Variants in HDAC4 observed in about 807,000 individuals in gnomAD.
HDAC4 encodes histone deacetylase A.
A neutral mutation model predicts 135.1 loss-of-function variants in HDAC4; 16 were observed. The observed-to-expected ratio is 0.12, with a 90% CI of 0.08 to 0.18. HDAC4 has a LOEUF of 0.18. Among genes scored for constraint, HDAC4 ranks in the 10% least tolerant of loss-of-function variants. The pLI is 1.00. For missense variants in HDAC4, 1,143 were observed against 1,511.8 expected, an observed-to-expected ratio of 0.76 and a Z score of 4.05; for synonymous variants, 685 against 653.4, an observed-to-expected ratio of 1.05 and a Z score of -0.74.
chr2:239,223,877 G>C (rs1385568024), intron 3 of HDAC4, among the ~76,000 whole-genome samples: 4 of 151,282 alleles, frequency 2.6e-5, no homozygotes, highest in Non-Finnish European at 5.9e-5. Context: ...AAAGGGAAAA[G>C]AAACAAAGTC....
chr2:239,089,468 T>TAG (rs2036292429), intron 18 of HDAC4, among the ~76,000 whole-genome samples: 1 of 152,152 alleles, frequency 6.6e-6, no homozygotes, highest in African/African-American at 2.4e-5. Flanking sequence ...GCTGGGATTA[T>TAG]AGGCATGCGC....
intron 16 of HDAC4, 71 bp downstream of exon 16, chr2:239,102,705 G>A: frequency 1.3e-6 from 2 of 1,581,516 alleles, no homozygotes; most frequent in Admixed American, 1.7e-5. Context: ...GACACAAGGG[G>A]TTGAGAGCTG....
intron 1 of HDAC4, among the ~76,000 whole-genome samples, chr2:239,365,694 AC>A (rs1210388107): frequency 6.6e-6 from 1 of 152,206 alleles, no homozygotes; most frequent in African/African-American, 2.4e-5. Flanking sequence ...TGCGTGTGGC[AC>A]CAGGGGACAC....
chr2:239,183,436 G>A (rs1360103325), intron 4 of HDAC4, among the ~76,000 whole-genome samples: 1 of 152,232 alleles, frequency 6.6e-6, no homozygotes, highest in Admixed American at 6.5e-5. Context: ...CAGAATGGAC[G>A]CCACGGACGG....
At chr2:239,329,770 A>T (rs1691434336) in intron 2 of HDAC4, among the ~76,000 whole-genome samples, 1 of 152,226 alleles carries the variant, frequency 6.6e-6, no homozygotes, top group Non-Finnish European at 1.5e-5. Flanking sequence ...ACAGCAGCTG[A>T]CATCCCTGGG....
intron 11 of HDAC4, among the ~76,000 whole-genome samples, chr2:239,128,078 C>T (rs1037370866): frequency 6.6e-6 from 1 of 152,240 alleles, no homozygotes; most frequent in African/African-American, 2.4e-5. Context: ...AAGTTATTCA[C>T]TAGTGTTCTC....
intron 1 of HDAC4, among the ~76,000 whole-genome samples, chr2:239,371,363 C>G (rs1222717088): frequency 2.6e-5 from 4 of 151,988 alleles, no homozygotes; most frequent in African/African-American, 9.7e-5. Flanking sequence ...ACACTCAAAC[C>G]CATGCGCTCA....
At chr2:239,183,347 C>T (rs1262375322) in intron 4 of HDAC4, among the ~76,000 whole-genome samples, 1 of 152,244 alleles carries the variant, frequency 6.6e-6, no homozygotes, top group Non-Finnish European at 1.5e-5. Flanking sequence ...GTCTCTTTTT[C>T]AACTTGCCAG....
intron 24 of HDAC4, 85 bp from the exon 25 acceptor site, chr2:239,054,918 C>T (rs1274958149): frequency 1.1e-6 from 1 of 949,854 alleles, no homozygotes; most frequent in East Asian, 2.4e-5. Context: ...GCAACTGTTT[C>T]CTGAGCACAG....
chr2:239,228,415 G>A (rs2047364830), intron 3 of HDAC4, among the ~76,000 whole-genome samples: 1 of 150,634 alleles, frequency 6.6e-6, no homozygotes, highest in Non-Finnish European at 1.5e-5. Context: ...CACTGTGAGA[G>A]TTAGGAGGAA....
In HDAC4 at chr2:239,108,112, C is replaced by T. The variant is rs778418504; in HGVS notation, c.2050G>A (p.Ala684Thr). The T allele has an allele frequency of 1.9e-6, 3 of 1,610,118 alleles. No homozygotes were observed. Among genetic ancestry groups the T allele is most frequent in the Non-Finnish European group, 2.5e-6 (3 of 1,179,514 alleles). ...CGSSSSHPEH[A>T]GRIQSIWSRL... ...GACCAGATGCTCTGGATCCTCCCGG[C>T]GTGCTCGGGGTGGCTGCTGCTACTC... Residue 684 changes from alanine to threonine, a missense_variant, in exon 15 of 27, where the codon GCC becomes ACC. Around this residue, in one of 9 missense-constraint regions of HDAC4, gnomAD observed 47 missense variants for 117.2 expected, o/e 0.40. Coordinates refer to ENST00000543185, the MANE Select transcript of HDAC4 (RefSeq NM_001378414.1).
At chr2:239,199,897 C>G (rs1046914519) in intron 3 of HDAC4, among the ~76,000 whole-genome samples, 4 of 152,292 alleles carry the variant, frequency 2.6e-5, no homozygotes, top group South Asian at 2.1e-4. Context: ...CCACCACACC[C>G]GGCTAATTTT....
At chr2:239,249,008 G>A (rs1201485026) in intron 2 of HDAC4, among the ~76,000 whole-genome samples, 2 of 152,270 alleles carry the variant, frequency 1.3e-5, no homozygotes, top group Non-Finnish European at 2.9e-5. Context: ...AGAAGACCGT[G>A]TGGGATCACG....
At chr2:239,232,467 G>C (rs1164762157) in intron 3 of HDAC4, among the ~76,000 whole-genome samples, 1 of 152,154 alleles carries the variant, frequency 6.6e-6, no homozygotes, top group East Asian at 1.9e-4. Context: ...GGGGTCACGA[G>C]CTCCCGCCCC....
chr2:239,365,226 T>C (rs989137839), intron 1 of HDAC4, among the ~76,000 whole-genome samples: 5 of 152,236 alleles, frequency 3.3e-5, no homozygotes, highest in African/African-American at 4.8e-5. Context: ...AAGAGTGTCA[T>C]TTTATGATAC....
chr2:239,060,811 C>G (rs891059093), intron 24 of HDAC4, among the ~76,000 whole-genome samples: 1 of 152,270 alleles, frequency 6.6e-6, no homozygotes, highest in Non-Finnish European at 1.5e-5. Flanking sequence ...CAGCCCGCAC[C>G]TGCCCCGGCC....
intron 1 of HDAC4, among the ~76,000 whole-genome samples, chr2:239,357,544 C>A (rs1693572306): frequency 6.6e-6 from 1 of 151,546 alleles, no homozygotes. Context: ...TGATAAACTT[C>A]TAGCAGAGCT....
chr2:239,317,407 A>T (rs1024757472), intron 2 of HDAC4, among the ~76,000 whole-genome samples: 1 of 151,834 alleles, frequency 6.6e-6, no homozygotes, highest in Non-Finnish European at 1.5e-5. Flanking sequence ...CCGAGAAAGG[A>T]ACCAGGCCGC....
At chr2:239,278,101 T>G (rs1194675701) in intron 2 of HDAC4, among the ~76,000 whole-genome samples, 8 of 138,982 alleles carry the variant, frequency 5.8e-5, no homozygotes, top group African/African-American at 2.2e-4. Context: ...ACCTGGAGGC[T>G]CAGGGTGTCT....
Sources: allele counts gnomAD v4.1 joint callset (sites outside exome capture counted in the v4.1 genomes callset), GRCh38; gene constraint gnomAD v4.1.1; regional missense constraint gnomAD v4.1.1; transcripts MANE v1.5; gene names NCBI Gene and HGNC (gene_info 2026-07-23, HGNC 2026-07-21).